SRGAP1: variants seen among roughly 807,000 people sequenced by gnomAD.
The protein encoded by SRGAP1 is SLIT-ROBO Rho GTPase-activating protein 1.
Under a neutral mutation model 121.9 loss-of-function variants are expected in SRGAP1, and 43 were observed. That is an observed-to-expected ratio of 0.35 (90% CI 0.28 to 0.46). The LOEUF (loss-of-function observed/expected upper bound fraction) is 0.46, where lower values mean the gene tolerates loss of function less well. SRGAP1 is among the 20% of genes least tolerant of loss of function. SRGAP1 has a pLI of 1.00. For synonymous variants in SRGAP1, 447 were observed against 485.4 expected (o/e 0.92, Z 1.04); for missense variants, 1,102 against 1,350.9 (o/e 0.82, Z 2.89).
chr12:64,123,135 G>A (rs1424736739), intron 18 of SRGAP1, among the ~76,000 whole-genome samples: 1 of 152,102 alleles, frequency 6.6e-6, no homozygotes, highest in African/African-American at 2.4e-5. Flanking sequence ...TGTAAGTAAA[G>A]CCAAATACAA....
chr12:64,115,318 G>C (rs1054510610), intron 17 of SRGAP1, among the ~76,000 whole-genome samples: 1 of 152,162 alleles, frequency 6.6e-6, no homozygotes, highest in Non-Finnish European at 1.5e-5. Flanking sequence ...AAATAACCTA[G>C]TCAAAGATGA....
chr12:64,116,255 C>CAAAAAAAA (rs35619316), intron 18 of SRGAP1, among the ~76,000 whole-genome samples: 2 of 72,664 alleles, frequency 2.8e-5, no homozygotes, highest in African/African-American at 5.1e-5. Context: ...GACCTCATCT[C>CAAAAAAAA]AAAAAAAAAA....
intron 4 of SRGAP1, among the ~76,000 whole-genome samples, chr12:64,020,962 A>AT (rs2034535692): frequency 6.6e-6 from 1 of 150,736 alleles, no homozygotes; most frequent in Non-Finnish European, 1.5e-5. Flanking sequence ...AAAAAAAAAA[A>AT]GACCAAAGAT....
chr12:63,995,687 G>A (rs945144774), intron 3 of SRGAP1, among the ~76,000 whole-genome samples: 4 of 152,150 alleles, frequency 2.6e-5, no homozygotes, highest in Admixed American at 6.6e-5. Flanking sequence ...AAGCCAGTGA[G>A]AATAACCCCT....
intron 1 of SRGAP1, among the ~76,000 whole-genome samples, chr12:63,939,321 C>G (rs974939507): frequency 6.6e-6 from 1 of 152,052 alleles, no homozygotes; most frequent in Non-Finnish European, 1.5e-5. Context: ...CAACCTCCCT[C>G]CTCAGCAAGT....
chr12:63,896,776 C>T (rs1046240019), intron 1 of SRGAP1, among the ~76,000 whole-genome samples: 2 of 152,124 alleles, frequency 1.3e-5, no homozygotes, highest in Non-Finnish European at 2.9e-5. Flanking sequence ...ATCACTTTAC[C>T]GTCTTTTCTT....
chr12:63,861,287 C>CATATATATATAT (rs368154902), intron 1 of SRGAP1, among the ~76,000 whole-genome samples: 2 of 137,722 alleles, frequency 1.5e-5, no homozygotes, highest in Admixed American at 7.4e-5. Flanking sequence ...GGATGGTAGG[C>CATATATATATAT]ATATATATAT....
intron 1 of SRGAP1, among the ~76,000 whole-genome samples, chr12:63,880,130 ACT>A (rs1263003815): frequency 2.0e-5 from 3 of 151,792 alleles, no homozygotes; most frequent in Non-Finnish European, 2.9e-5. Context: ...CCCTGCACAC[ACT>A]CTCTAGCCTG....
chr12:64,111,056 G>A (rs74099281), intron 16 of SRGAP1, among the ~76,000 whole-genome samples: 6,994 of 152,240 alleles, frequency 0.046, 298 homozygotes, highest in South Asian at 0.12. Flanking sequence ...CTTATTTTGA[G>A]TCACTGTGAA....
chr12:64,018,022 TAAC>T lies in SRGAP1; in HGVS notation c.489+1016_489+1018del, dbSNP rs201303456. Among the ~76,000 whole-genome samples the T allele has an allele frequency of 7.7e-3, 1,172 of 152,232 alleles. 13 individuals carry two copies. The highest frequency in any genetic ancestry group is 0.026 in the African/African-American group (1,064 of 41,542). ...GATATTTTATTTTAAGAGAATAAAA[TAAC>T]AACAAATGAGTAATATTAATTTATA... On this transcript the variant is annotated intron_variant, in intron 4 of 21. Coordinates refer to ENST00000355086, the MANE Select transcript of SRGAP1 (RefSeq NM_020762.4).
intron 1 of SRGAP1, among the ~76,000 whole-genome samples, chr12:63,930,114 A>T (rs1233699524): frequency 6.6e-6 from 1 of 152,186 alleles, no homozygotes; most frequent in African/African-American, 2.4e-5. Flanking sequence ...AATTAGTTCA[A>T]AAGATCCATT....
chr12:64,021,242 G>A (rs2034542718), intron 4 of SRGAP1, among the ~76,000 whole-genome samples: 1 of 152,192 alleles, frequency 6.6e-6, no homozygotes, highest in African/African-American at 2.4e-5. Flanking sequence ...CCACCAGGCT[G>A]CAAGGAGATC....
At chr12:64,070,578 T>C (rs2035620433) in intron 8 of SRGAP1, among the ~76,000 whole-genome samples, 1 of 152,230 alleles carries the variant, frequency 6.6e-6, no homozygotes, top group Admixed American at 6.5e-5. Context: ...TCTCAATCAA[T>C]TTGCGACAGT....
At chr12:64,052,603 T>A (rs2035258231) in intron 6 of SRGAP1, among the ~76,000 whole-genome samples, 1 of 151,850 alleles carries the variant, frequency 6.6e-6, no homozygotes, top group African/African-American at 2.4e-5. Context: ...TTTCTGTAAG[T>A]ATGGCATATT....
At chr12:64,006,290 G>C (rs1455279826) in intron 3 of SRGAP1, among the ~76,000 whole-genome samples, 1 of 152,122 alleles carries the variant, frequency 6.6e-6, no homozygotes, top group African/African-American at 2.4e-5. Context: ...GAAAGATAAG[G>C]GTAGATAAGA....
rs777788987 is a variant in SRGAP1, at chr12:64,142,513, C to G, written c.3099C>G (p.Asp1033Glu). ...QIRRSTSSSS[D>E]TMSTFKPMVA... ...GACGTAGCACGAGCTCCTCCAGTGA[C>G]ACAATGAGTACTTTCAAGCCTATGG... Residue 1033 changes from aspartate (D) to glutamate (E), a missense_variant, in exon 22 of 22, where the codon GAC becomes GAG. Asp to Glu is a conservative substitution (Grantham distance 45). Coordinates refer to ENST00000355086, the MANE Select transcript of SRGAP1 (RefSeq NM_020762.4). The G allele has an allele frequency of 2.7e-5, 43 of 1,614,098 alleles. No homozygotes were observed. Among genetic ancestry groups the G allele is most frequent in the Non-Finnish European group, 3.6e-5 (42 of 1,180,054 alleles).
rs2037190567 is a variant in SRGAP1, at chr12:64,159,138, G to GCAAGACCCCAT, written c.*16468_*16478dup. On this transcript the variant is annotated 3_prime_UTR_variant, in exon 22 of 22. Coordinates refer to ENST00000355086, the MANE Select transcript of SRGAP1 (RefSeq NM_020762.4). Reference sequence around the variant, plus strand: ...GTTCAAGACCAGCCTGGGCAACATAGCAAGACCCCATCCCTACAAAACAGT... The same window carrying GCAAGACCCCAT: ...GTTCAAGACCAGCCTGGGCAACATAGCAAGACCCCATCAAGACCCCATCCCTACAAAACAGT... 6.6e-6 allele frequency: 1 copy of GCAAGACCCCAT among 152,498 alleles called. No individual in the cohort carries two copies. Among genetic ancestry groups the GCAAGACCCCAT allele is most frequent in the Non-Finnish European group, 1.5e-5 (1 of 68,458 alleles). 9.4% of individuals were successfully genotyped at this position (152,498 alleles called of 1,614,324 possible).
intron 17 of SRGAP1, among the ~76,000 whole-genome samples, chr12:64,113,090 A>G (rs977037373): frequency 2.0e-5 from 3 of 151,854 alleles, no homozygotes; most frequent in African/African-American, 7.3e-5. Context: ...TGAGCAACAA[A>G]ACAAGACCCT....
At chr12:63,948,798 A>G (rs1323269201) in intron 1 of SRGAP1, among the ~76,000 whole-genome samples, 2 of 144,936 alleles carry the variant, frequency 1.4e-5, no homozygotes, top group Non-Finnish European at 3.0e-5. Context: ...TGTTTTCCAT[A>G]TATATATATT....
Sources: gnomAD v4.1 joint callset for allele counts (sites outside exome capture counted in the v4.1 genomes callset) on GRCh38, gnomAD v4.1.1 for gene constraint, MANE v1.5 for transcripts, NCBI Gene and HGNC (gene_info 2026-07-23, HGNC 2026-07-21) for gene names.